GHR: variants seen among roughly 807,000 people sequenced by gnomAD.
GHR encodes the protein growth hormone receptor.
In GHR, 35 loss-of-function variants were observed where a neutral mutation model predicts 67.1. That is an observed-to-expected ratio of 0.52 (90% confidence interval 0.40 to 0.69). The LOEUF (loss-of-function observed/expected upper bound fraction) is 0.69, where lower values mean the gene tolerates loss of function less well. Ranked by LOEUF, GHR falls within the 30% of genes least tolerant of loss-of-function variation. The pLI is 0.00. For missense variants in GHR, 792 were observed against 764.6 expected (o/e 1.04, Z -0.42); for synonymous variants, 272 against 269.1 (o/e 1.01, Z -0.10).
intron 2 of GHR, among the ~76,000 whole-genome samples, chr5:42,591,431 T>C (rs537768716): frequency 1.3e-5 from 2 of 152,206 alleles, no homozygotes; most frequent in Non-Finnish European, 2.9e-5. Flanking sequence ...TTGACTGTTA[T>C]TAAAAGTAAG....
intron 2 of GHR, among the ~76,000 whole-genome samples, chr5:42,586,783 C>T (rs1480247506): frequency 6.6e-6 from 1 of 152,120 alleles, no homozygotes; most frequent in East Asian, 1.9e-4. Flanking sequence ...CCGTGAATTA[C>T]GTCTGAGCCA....
intron 1 of GHR, chr5:42,465,538 T>A (rs1408571453): frequency 1.3e-5 from 19 of 1,514,696 alleles, no homozygotes; most frequent in Admixed American, 1.7e-5. Context: ...CACCTTCAGG[T>A]GTTTCCTCAG....
chr5:42,490,156 T>C (rs1201011997), intron 1 of GHR, among the ~76,000 whole-genome samples: 1 of 152,224 alleles, frequency 6.6e-6, no homozygotes, highest in East Asian at 1.9e-4. Context: ...AGCTCTAGCA[T>C]TTACTTACTG....
chr5:42,477,128 C>A (rs575528320), intron 1 of GHR, among the ~76,000 whole-genome samples: 1 of 147,624 alleles, frequency 6.8e-6, no homozygotes, highest in South Asian at 2.1e-4. Context: ...TGAGAACATG[C>A]GGTGTTTGGT....
chr5:42,536,524 A>T (rs950576857), intron 1 of GHR, among the ~76,000 whole-genome samples: 2 of 152,152 alleles, frequency 1.3e-5, no homozygotes, highest in African/African-American at 4.8e-5. Context: ...CCACTTGGTC[A>T]TGGTGGATTA....
chr5:42,600,631 T>C (rs1309852916), intron 2 of GHR, among the ~76,000 whole-genome samples: 1 of 152,184 alleles, frequency 6.6e-6, no homozygotes, highest in Admixed American at 6.5e-5. Flanking sequence ...ACCAGAGTGA[T>C]CACAGTCAGC....
At chr5:42,625,778 G>C (rs1753671604) in intron 2 of GHR, among the ~76,000 whole-genome samples, 2 of 138,482 alleles carry the variant, frequency 1.4e-5, no homozygotes, top group African/African-American at 2.5e-5. Flanking sequence ...ACCTAAAACT[G>C]TGCCTGGCTC....
rs570416035 is a variant in GHR, at chr5:42,437,643, G to A, written c.-12+13688G>A. ...GCTCACTGCAACCTCTGCCTCCCAGGTTCAAGCGATTCTCTTGCCTCTGCC... is the reference window on the plus strand; with the variant it reads ...GCTCACTGCAACCTCTGCCTCCCAGATTCAAGCGATTCTCTTGCCTCTGCC... On this transcript the variant is annotated intron_variant, in intron 1 of 9. Transcript: ENST00000230882. 2.6e-5 allele frequency among the ~76,000 whole-genome samples: 4 copies of A among 151,814 alleles called. No homozygotes were observed. In the East Asian group the frequency reaches 7.8e-4, roughly 29 times the overall value.
chr5:42,557,239 T>G (rs1687547068), intron 1 of GHR, among the ~76,000 whole-genome samples: 1 of 152,090 alleles, frequency 6.6e-6, no homozygotes, highest in South Asian at 2.1e-4. Context: ...AGATATACAC[T>G]TTACATTATG....
At chr5:42,431,871 A>G (rs1356830055) in intron 1 of GHR, among the ~76,000 whole-genome samples, 1 of 151,966 alleles carries the variant, frequency 6.6e-6, no homozygotes, top group Non-Finnish European at 1.5e-5. Context: ...GAGTTTGCAA[A>G]TTGAAAAGGT....
intron 2 of GHR, among the ~76,000 whole-genome samples, chr5:42,589,875 A>T (rs1421617311): frequency 6.6e-6 from 1 of 152,330 alleles, no homozygotes; most frequent in Middle Eastern, 3.4e-3. Flanking sequence ...AAAGACCATT[A>T]AGTTCAGGTA....
chr5:42,457,138 A>T (rs995059727), intron 1 of GHR, among the ~76,000 whole-genome samples: 1 of 152,214 alleles, frequency 6.6e-6, no homozygotes, highest in South Asian at 2.1e-4. Flanking sequence ...TGTGGCCTTC[A>T]TCTTCATGGT....
At chr5:42,479,856 T>C (rs1745535911) in intron 1 of GHR, among the ~76,000 whole-genome samples, 1 of 152,220 alleles carries the variant, frequency 6.6e-6, no homozygotes, top group Non-Finnish European at 1.5e-5. Context: ...TCATTAATTT[T>C]TTTGAATGGT....
At chr5:42,497,062 C>T (rs1369906359) in intron 1 of GHR, among the ~76,000 whole-genome samples, 4 of 152,242 alleles carry the variant, frequency 2.6e-5, no homozygotes, top group Non-Finnish European at 1.5e-5. Context: ...GCCCCAAGTC[C>T]TTATCTCATA....
At chr5:42,618,400 C>A (rs1282706091) in intron 2 of GHR, among the ~76,000 whole-genome samples, 3 of 152,056 alleles carry the variant, frequency 2.0e-5, no homozygotes, top group African/African-American at 2.4e-5. Flanking sequence ...ATGCATTTTT[C>A]TGCTAAGACT....
At chr5:42,696,692 C>A (rs1397280020) in intron 5 of GHR, among the ~76,000 whole-genome samples, 1 of 152,170 alleles carries the variant, frequency 6.6e-6, no homozygotes, top group Non-Finnish European at 1.5e-5. Context: ...GGAATTTGGA[C>A]TTTAACTGTC....
At chr5:42,534,219 T>C (rs1314567346) in intron 1 of GHR, among the ~76,000 whole-genome samples, 1 of 121,906 alleles carries the variant, frequency 8.2e-6, no homozygotes, top group Non-Finnish European at 1.7e-5. Context: ...TATATGTATA[T>C]ATGTACATGT....
At chr5:42,630,798 A>G (rs1753893196) in intron 3 of GHR, among the ~76,000 whole-genome samples, 1 of 132,444 alleles carries the variant, frequency 7.6e-6, no homozygotes, top group Non-Finnish European at 1.6e-5. Context: ...CATGCTTCAC[A>G]TTGAAACCAT....
At chr5:42,486,251 G>A (rs902111402) in intron 1 of GHR, among the ~76,000 whole-genome samples, 4 of 152,086 alleles carry the variant, frequency 2.6e-5, no homozygotes, top group Non-Finnish European at 4.4e-5. Flanking sequence ...GAATTCAGTC[G>A]TTCTATTCTC....
Sources: allele counts gnomAD v4.1 joint callset (sites outside exome capture counted in the v4.1 genomes callset), GRCh38; gene constraint gnomAD v4.1.1; transcripts MANE v1.5; gene names NCBI Gene and HGNC (gene_info 2026-07-23, HGNC 2026-07-21).